Variants in AUTS2 observed in about 807,000 individuals in gnomAD.
The protein encoded by AUTS2 is autism susceptibility gene 2 protein.
A neutral mutation model predicts 112.4 loss-of-function variants in AUTS2; 17 were observed. That is an observed-to-expected ratio of 0.15 (90% CI 0.10 to 0.23). The LOEUF is 0.23. Ranked by LOEUF, AUTS2 falls within the 10% of genes least tolerant of loss-of-function variation. The pLI, the probability that AUTS2 is intolerant of heterozygous loss-of-function variation, is 1.00. For synonymous variants in AUTS2, 751 were observed against 702.7 expected (o/e 1.07, Z -1.09); for missense variants, 1,510 against 1,701.6 (o/e 0.89, Z 1.98).
chr7:69,704,626 C>T (rs1313407845), intron 1 of AUTS2, among the ~76,000 whole-genome samples: 1 of 152,126 alleles, frequency 6.6e-6, no homozygotes, highest in African/African-American at 2.4e-5. Flanking sequence ...GTCCAGGCCA[C>T]AGGACTATCT....
chr7:70,343,959 A>G (rs1300322593), intron 4 of AUTS2, among the ~76,000 whole-genome samples: 1 of 152,114 alleles, frequency 6.6e-6, no homozygotes, highest in African/African-American at 2.4e-5. Context: ...GTTGCAGCCC[A>G]TTGAAGCTAC....
chr7:69,693,745 G>A (rs1797442524), intron 1 of AUTS2, among the ~76,000 whole-genome samples: 1 of 152,196 alleles, frequency 6.6e-6, no homozygotes, highest in African/African-American at 2.4e-5. Context: ...GCTCAAAGTT[G>A]TGTAGCTAGT....
chr7:70,407,502 C>A (rs1794587748), intron 4 of AUTS2, among the ~76,000 whole-genome samples: 2 of 152,160 alleles, frequency 1.3e-5, no homozygotes, highest in Non-Finnish European at 2.9e-5. Flanking sequence ...AAGTAAAAGC[C>A]ATGTGCCTTA....
At position 70,777,089 on chromosome 7, in the gene AUTS2, C is replaced by T; in HGVS notation, c.1933-14C>T. ...ATGTCTTCCTCCTAACCACGTTGCT[C>T]TTTCTTGTTCCAGAAACCAGGGAAG... On this transcript the variant is annotated splice_polypyrimidine_tract_variant and intron_variant, in intron 13 of 18. Transcript: ENST00000342771. 6.2e-7 allele frequency: 1 copy of T among 1,613,840 alleles called. No homozygotes were observed.
chr7:69,716,305 AT>A (rs544306503), intron 1 of AUTS2, among the ~76,000 whole-genome samples: 6 of 149,946 alleles, frequency 4.0e-5, no homozygotes, highest in African/African-American at 9.8e-5. Flanking sequence ...TCACAATCAC[AT>A]TTTTTTTTCA....
intron 4 of AUTS2, among the ~76,000 whole-genome samples, chr7:70,175,482 G>T (rs1174391277): frequency 1.3e-5 from 2 of 152,208 alleles, no homozygotes; most frequent in Non-Finnish European, 1.5e-5. Context: ...GAAGTTCTAT[G>T]TGGGTAATAT....
intron 2 of AUTS2, among the ~76,000 whole-genome samples, chr7:69,908,637 C>T (rs1795239562): frequency 6.6e-6 from 1 of 152,212 alleles, no homozygotes; most frequent in Non-Finnish European, 1.5e-5. Context: ...TGCCACTTCT[C>T]CTATGTGCCT....
At chr7:70,636,834 G>A (rs1243260624) in intron 5 of AUTS2, among the ~76,000 whole-genome samples, 1 of 151,886 alleles carries the variant, frequency 6.6e-6, no homozygotes, top group Non-Finnish European at 1.5e-5. Context: ...AAGAGATGGG[G>A]GTCTTGCTAT....
At chr7:70,222,758 G>A (rs1318325687) in intron 4 of AUTS2, among the ~76,000 whole-genome samples, 4 of 152,058 alleles carry the variant, frequency 2.6e-5, no homozygotes, top group Admixed American at 6.5e-5. Flanking sequence ...ACAGTATACA[G>A]TAAGAGGAGA....
chr7:70,303,570 A>G (rs534904218), intron 4 of AUTS2, among the ~76,000 whole-genome samples: 2 of 152,150 alleles, frequency 1.3e-5, no homozygotes, highest in African/African-American at 4.8e-5. Flanking sequence ...TTGCTAGCAC[A>G]GTAATCAGAG....
chr7:70,686,857 C>A (rs1299346685), intron 5 of AUTS2, among the ~76,000 whole-genome samples: 1 of 152,120 alleles, frequency 6.6e-6, no homozygotes, highest in Non-Finnish European at 1.5e-5. Context: ...TTCATTCATT[C>A]ATTTATTTGT....
intron 1 of AUTS2, among the ~76,000 whole-genome samples, chr7:69,747,784 G>GTGT (rs1787560248): frequency 1.4e-5 from 2 of 144,502 alleles, no homozygotes; most frequent in Admixed American, 6.9e-5. Flanking sequence ...GAAGGAGAGG[G>GTGT]GTGTGTGTGT....
At chr7:69,980,462 A>G (rs375766609) in intron 2 of AUTS2, among the ~76,000 whole-genome samples, 14 of 152,292 alleles carry the variant, frequency 9.2e-5, no homozygotes, top group African/African-American at 3.4e-4. Context: ...TTCAAATTGC[A>G]TTCACTGTAC....
At chr7:70,615,194 A>T (rs1804292913) in intron 5 of AUTS2, among the ~76,000 whole-genome samples, 1 of 152,096 alleles carries the variant, frequency 6.6e-6, no homozygotes, top group African/African-American at 2.4e-5. Flanking sequence ...TGGAAAGGAG[A>T]TGGCACATCT....
At chr7:69,639,634 T>G (rs717266) in intron 1 of AUTS2, among the ~76,000 whole-genome samples, 11,553 of 152,282 alleles carry the variant, frequency 0.076, 595 homozygotes, top group African/African-American at 0.14. Flanking sequence ...GTTTGTTAGC[T>G]TGAAACCTGT....
intron 4 of AUTS2, among the ~76,000 whole-genome samples, chr7:70,348,571 G>C (rs1194341147): frequency 6.6e-6 from 1 of 152,118 alleles, no homozygotes; most frequent in African/African-American, 2.4e-5. Context: ...TTGGGAGGCC[G>C]AGGCGGGTGG....
intron 5 of AUTS2, among the ~76,000 whole-genome samples, chr7:70,485,570 A>ACTTATCCAT (rs1797958957): frequency 6.6e-6 from 1 of 152,184 alleles, no homozygotes; most frequent in South Asian, 2.1e-4. Context: ...TCACCACTAA[A>ACTTATCCAT]GTACTTATCC....
chr7:70,581,386 CAATAAATAAATA>C (rs536831844), intron 5 of AUTS2, among the ~76,000 whole-genome samples: 2 of 151,882 alleles, frequency 1.3e-5, no homozygotes, highest in African/African-American at 4.8e-5. Flanking sequence ...AACTCCGTCT[CAATAAATAAATA>C]AATAAATAAA....
chr7:70,668,567 T>C (rs1807467574), intron 5 of AUTS2, among the ~76,000 whole-genome samples: 1 of 152,224 alleles, frequency 6.6e-6, no homozygotes, highest in Admixed American at 6.5e-5. Context: ...TCATGTGTGA[T>C]TGCGAACACC....
Sources: gnomAD v4.1 joint callset for allele counts (sites outside exome capture counted in the v4.1 genomes callset) on GRCh38, gnomAD v4.1.1 for gene constraint, MANE v1.5 for transcripts, NCBI Gene and HGNC (gene_info 2026-07-23, HGNC 2026-07-21) for gene names.